Variants in SYNE3 observed in about 807,000 individuals in gnomAD.
SYNE3 encodes nesprin-3.
Under a neutral mutation model 111.2 loss-of-function variants are expected in SYNE3, and 100 were observed. That is an observed-to-expected ratio of 0.90 (90% CI 0.77 to 1.06). SYNE3 has a LOEUF of 1.06. Ranked by LOEUF, SYNE3 falls within the 50% of genes least tolerant of loss-of-function variation. The pLI is 0.00. For synonymous variants in SYNE3, 547 were observed against 533.9 expected (o/e 1.02, Z -0.34); for missense variants, 1,160 against 1,240.3 (o/e 0.94, Z 0.97).
Position 95,465,958 on chromosome 14 carries a change from C to T in SYNE3, c.600G>A (p.Glu200=), listed in dbSNP as rs199510666. The T allele has an allele frequency of 5.8e-5, 93 of 1,592,238 alleles. No homozygotes were observed. In the Admixed American group the frequency reaches 1.5e-3, roughly 25 times the overall value. Residue 200 remains glutamate, a synonymous_variant, in exon 4 of 18, where the codon GAG becomes GAA. Coordinates refer to ENST00000682763, the MANE Select transcript of SYNE3 (RefSeq NM_152592.6). Reference sequence around the variant, plus strand: ...GGGCCTTGGCCTTCACTGCATCGTACTCAGCCTTCATTCTCTTCTGGGCAT... The same window carrying T: ...GGGCCTTGGCCTTCACTGCATCGTATTCAGCCTTCATTCTCTTCTGGGCAT... ...DEDAQKRMKA[E]YDAVKAKAQK... is the part of the protein sequence containing the mutation.
intron 1 of SYNE3, among the ~76,000 whole-genome samples, chr14:95,497,773 C>T (rs1890157456): frequency 6.6e-6 from 1 of 152,078 alleles, no homozygotes; most frequent in African/African-American, 2.4e-5. Context: ...TCCAACAAAA[C>T]TTTATTTACA....
At chr14:95,467,389 A>G (rs1407639288) in intron 3 of SYNE3, among the ~76,000 whole-genome samples, 1 of 152,162 alleles carries the variant, frequency 6.6e-6, no homozygotes, top group Non-Finnish European at 1.5e-5. Context: ...CCAGCAGGAC[A>G]AGAGTCAATG....
At chr14:95,445,802 G>T in intron 9 of SYNE3, 107 bp downstream of exon 9, 2 of 1,253,154 alleles carry the variant, frequency 1.6e-6, no homozygotes. Context: ...GCCACACAGT[G>T]GCAAGCGGCA....
chr14:95,444,085 C>G (rs1490282304), intron 10 of SYNE3: 2 of 239,706 alleles, frequency 8.3e-6, no homozygotes, highest in African/African-American at 4.5e-5. Flanking sequence ...AGTTCCTTAT[C>G]CAGCCAACAA....
In SYNE3 at chr14:95,476,439, G is replaced by A. The variant is rs189141080; in HGVS notation, c.-14-604C>T. 3.2e-3 allele frequency among the ~76,000 whole-genome samples: 494 copies of A among 152,296 alleles called. 3 individuals carry two copies. The highest frequency in any genetic ancestry group is 0.011 in the African/African-American group (454 of 41,566). On this transcript the variant is annotated intron_variant, in intron 1 of 17. Transcript: ENST00000682763. ...CTCTGACCTCTGCGCAGCACTCCTC[G>A]CAACCACTGAAAACGAACATAATGC...
intron 1 of SYNE3, among the ~76,000 whole-genome samples, 83 bp downstream of exon 1, chr14:95,516,513 C>T (rs1480645991): frequency 6.6e-6 from 1 of 151,662 alleles, no homozygotes; most frequent in Non-Finnish European, 1.5e-5. Context: ...AGAGCTGGGC[C>T]AGGGGCTGAG....
intron 1 of SYNE3, among the ~76,000 whole-genome samples, chr14:95,489,998 C>T (rs943751587): frequency 6.6e-6 from 1 of 152,238 alleles, no homozygotes; most frequent in African/African-American, 2.4e-5. Context: ...CGCCAACTTG[C>T]TCCCAAACCC....
At position 95,408,142 on chromosome 14, in the gene SYNE3, G is replaced by A. The variant is rs1314094434; in HGVS notation, c.*9684C>T. On this transcript the variant is annotated 3_prime_UTR_variant, in exon 18 of 18. Transcript: ENST00000682763. ...ACTCTACCCGACCTGCTGCCTCCAG[G>A]ATGGGTTCTGAGGAGACATGGGGCC... 1 of 152,156 alleles carries A rather than the reference G, an allele frequency of 6.6e-6. No individual in the cohort carries two copies. The highest frequency in any genetic ancestry group is 1.5e-5 in the Non-Finnish European group (1 of 68,048). 9.4% of individuals were successfully genotyped at this position (152,156 alleles called of 1,614,324 possible). A position where few individuals can be genotyped will look rare whatever the true frequency, so the allele number is the denominator to read the frequency against.
chr14:95,450,223 TCTC>T, intron 7 of SYNE3, 118 bp from the exon 8 acceptor site: 2 of 1,229,680 alleles, frequency 1.6e-6, no homozygotes, highest in Non-Finnish European at 2.2e-6. Context: ...GGGTGGGCCT[TCTC>T]CTGTTTCAGT....
chr14:95,439,836 T>C (rs752336342), intron 12 of SYNE3, 52 bp from the exon 13 acceptor site: 9 of 1,589,498 alleles, frequency 5.7e-6, no homozygotes, highest in South Asian at 2.3e-5. Flanking sequence ...TGGAGGGAGG[T>C]TTCTGCTCCT....
rs10547044 is a variant in SYNE3 at position 95,499,856 on chromosome 14, C to CTTTTTTTTTTTTTTTTTTTTT, written c.-15+16739_-15+16740insAAAAAAAAAAAAAAAAAAAAA. On this transcript the variant is annotated intron_variant, in intron 1 of 17. Transcript: ENST00000682763. ...AATCCCCTGTATCACTAACTCTTGT[C>CTTTTTTTTTTTTTTTTTTTTT]TTTTTTTTTTTTTTTTTTTTGAGAT... Among the ~76,000 whole-genome samples, 69 of 90,066 alleles carry CTTTTTTTTTTTTTTTTTTTTT rather than the reference C, an allele frequency of 7.7e-4. 13 individuals are homozygous for CTTTTTTTTTTTTTTTTTTTTT. Among genetic ancestry groups the CTTTTTTTTTTTTTTTTTTTTT allele is most frequent in the African/African-American group, 2.0e-3 (43 of 21,276 alleles). The allele number at this position is 90,066 out of a possible 152,430, so 59.1% of individuals were successfully genotyped here.
At chr14:95,458,408 T>C (rs1044533686) in intron 4 of SYNE3, among the ~76,000 whole-genome samples, 9 of 152,196 alleles carry the variant, frequency 5.9e-5, no homozygotes, top group East Asian at 1.9e-4. Flanking sequence ...ACCTGCCTCA[T>C]TGGGAGAAAG....
rs1479309890 is a variant in SYNE3, at chr14:95,457,224, C to T, written c.742G>A (p.Gly248Arg). 1 of 1,614,152 alleles carries T rather than the reference C, an allele frequency of 6.2e-7. No homozygotes were observed. The highest frequency in any genetic ancestry group is 8.5e-7 in the Non-Finnish European group (1 of 1,180,010). The change falls in exon 5 of 18, where the codon GGG becomes AGG. Residue 248 changes from glycine (G) to arginine (R), a missense_variant. Gly to Arg is a moderately radical substitution (Grantham distance 125). Transcript: ENST00000682763. The part of the protein sequence containing the change: ...AVVEKVNGCL[G>R]RNCKLPITQR... Reference sequence around the variant, plus strand: ...GTGATGGGCAGCTTGCAGTTCCGCCCCAGGCAGCCATTCACCTTCTCCACC... The same window carrying T: ...GTGATGGGCAGCTTGCAGTTCCGCCTCAGGCAGCCATTCACCTTCTCCACC...
At chr14:95,471,513 C>T (rs757515194) in intron 2 of SYNE3, among the ~76,000 whole-genome samples, 41 of 152,328 alleles carry the variant, frequency 2.7e-4, no homozygotes, top group Admixed American at 1.1e-3. Flanking sequence ...ACACCAAGCC[C>T]CCTTCCCCGA....
Position 95,455,371 on chromosome 14 carries a change from G to A in SYNE3, c.1137+6C>T, listed in dbSNP as rs754356603. The stretch of plus-strand genomic sequence containing the variant: ...TGGGCTCCATGACTCGGCCAAGCAC[G>A]CTTACCGAGTAGCGTCTCCAGTGTG... On this transcript the variant is annotated splice_donor_region_variant and intron_variant, in intron 6 of 17. Coordinates refer to ENST00000682763, the MANE Select transcript of SYNE3 (RefSeq NM_152592.6). 10 of 1,524,070 alleles carry A rather than the reference G, an allele frequency of 6.6e-6. No individual in the cohort carries two copies. The highest frequency in any genetic ancestry group is 2.8e-5 in the African/African-American group (2 of 72,130). 94.4% of individuals were successfully genotyped at this position (1,524,070 alleles called of 1,614,324 possible).
intron 8 of SYNE3, among the ~76,000 whole-genome samples, chr14:95,446,428 G>T (rs1032625811): frequency 6.6e-6 from 1 of 152,122 alleles, no homozygotes; most frequent in Non-Finnish European, 1.5e-5. Context: ...TGGGCACCTG[G>T]ACCACACAGC....
In SYNE3 at chr14:95,498,050, AAGT is replaced by A. The variant is rs147598699; in HGVS notation, c.-15+18543_-15+18545del. Among the ~76,000 whole-genome samples the A allele has an allele frequency of 5.8e-3, 883 of 151,924 alleles. 13 individuals carry two copies. Among genetic ancestry groups the A allele is most frequent in the African/African-American group, 0.02 (833 of 41,352 alleles). On this transcript the variant is annotated intron_variant, in intron 1 of 17. Coordinates refer to ENST00000682763, the MANE Select transcript of SYNE3 (RefSeq NM_152592.6). ...CTCTTAAAAAAAAAAAAAAGGAAAA[AAGT>A]AGCATCATAGAGCAGTGAAATCATG...
At chr14:95,496,042 G>A (rs1046428894) in intron 1 of SYNE3, among the ~76,000 whole-genome samples, 1 of 152,212 alleles carries the variant, frequency 6.6e-6, no homozygotes, top group African/African-American at 2.4e-5. Context: ...CACTCAGAGG[G>A]GCCGGGAGAA....
intron 1 of SYNE3, among the ~76,000 whole-genome samples, chr14:95,515,141 C>T (rs527328998): frequency 2.0e-5 from 3 of 152,242 alleles, no homozygotes; most frequent in Admixed American, 6.5e-5. Flanking sequence ...CAGCAAGACA[C>T]GAGTTCCAGA....
Sources: allele counts gnomAD v4.1 joint callset (sites outside exome capture counted in the v4.1 genomes callset), GRCh38; gene constraint gnomAD v4.1.1; transcripts MANE v1.5; gene names NCBI Gene and HGNC (gene_info 2026-07-23, HGNC 2026-07-21).